Variants in VPS8 observed in about 807,000 individuals in gnomAD.
VPS8 encodes VPS8 subunit of CORVET complex, also known as vacuolar protein sorting-associated protein 8 homolog.
Under a neutral mutation model 216.4 loss-of-function variants are expected in VPS8, and 129 were observed. That is an observed-to-expected ratio of 0.60 (90% CI 0.52 to 0.69). VPS8 has a LOEUF of 0.69. VPS8 is among the 30% of genes least tolerant of loss of function. The pLI, the probability that VPS8 is intolerant of heterozygous loss-of-function variation, is 0.00. For synonymous variants in VPS8, 571 were observed against 565.4 expected, an observed-to-expected ratio of 1.01 and a Z score of -0.14; for missense variants, 1,531 against 1,683.5, an observed-to-expected ratio of 0.91 and a Z score of 1.59.
chr3:184,868,988 T>A lies in VPS8; in HGVS notation c.1549T>A (p.Leu517Met), dbSNP rs1351503988. The change falls in exon 19 of 48, where the codon TTG becomes ATG. Residue 517 changes from leucine to methionine, a missense_variant. By Grantham distance (15) the Leu-to-Met change is conservative (BLOSUM62 2). Coordinates refer to ENST00000625842, the MANE Select transcript of VPS8 (RefSeq NM_001009921.3). ...LLKQDCLTEALALAWSFHEGK... is the reference protein window; with the variant it reads ...LLKQDCLTEAMALAWSFHEGK... ...GAAACAAGATTGTCTTACAGAAGCG[T>A]TGGCTCTTGCGTGGTCTTTCCATGA... The A allele has an allele frequency of 2.5e-6, 4 of 1,610,894 alleles. No individual in the cohort carries two copies. The highest frequency in any genetic ancestry group is 3.4e-6 in the Non-Finnish European group (4 of 1,178,700).
chr3:184,991,963 C>A (rs1259641989), intron 42 of VPS8, among the ~76,000 whole-genome samples: 1 of 152,110 alleles, frequency 6.6e-6, no homozygotes, highest in African/African-American at 2.4e-5. Context: ...TGTTCAAGCC[C>A]AAACTTGTTA....
Position 184,825,942 on chromosome 3 carries a change from G to A in VPS8, c.154-221G>A, listed in dbSNP as rs538797159. Among the ~76,000 whole-genome samples, 6 of 152,078 alleles carry A rather than the reference G, an allele frequency of 3.9e-5. No homozygotes were observed. In the South Asian group the frequency reaches 1.2e-3, roughly 32 times the overall value. Reference sequence around the variant, plus strand: ...TGTTCTGGAAAGGGCTGTCAGGATAGTGCAGTTAGTGCATATATGTCCTTG... The same window carrying A: ...TGTTCTGGAAAGGGCTGTCAGGATAATGCAGTTAGTGCATATATGTCCTTG... On this transcript the variant is annotated intron_variant, in intron 2 of 47. Coordinates refer to ENST00000625842, the MANE Select transcript of VPS8 (RefSeq NM_001009921.3).
At chr3:184,985,788 G>C (rs945895338) in intron 42 of VPS8, among the ~76,000 whole-genome samples, 4 of 152,250 alleles carry the variant, frequency 2.6e-5, no homozygotes, top group African/African-American at 9.6e-5. Flanking sequence ...GGAACGGACA[G>C]TTCCTGTTTT....
At chr3:185,039,392 C>T (rs181712930) in intron 46 of VPS8, among the ~76,000 whole-genome samples, 25 of 152,106 alleles carry the variant, frequency 1.6e-4, no homozygotes, top group African/African-American at 5.1e-4. Flanking sequence ...CATCTGCTTT[C>T]GGTGGGAGCC....
intron 46 of VPS8, among the ~76,000 whole-genome samples, chr3:185,036,456 C>T (rs1210963722): frequency 3.3e-5 from 5 of 152,106 alleles, no homozygotes; most frequent in Admixed American, 6.5e-5. Context: ...AATAAAGCCT[C>T]AAACCTACAA....
intron 25 of VPS8, among the ~76,000 whole-genome samples, chr3:184,911,152 G>C (rs961610501): frequency 3.9e-5 from 6 of 152,134 alleles, no homozygotes; most frequent in African/African-American, 1.4e-4. Flanking sequence ...GAAGAGAAAG[G>C]TTGTAGAAAA....
At position 184,927,348 on chromosome 3, in the gene VPS8, C is replaced by T. The variant is rs57091534; in HGVS notation, c.2631+698C>T. 4.7e-3 allele frequency among the ~76,000 whole-genome samples: 716 copies of T among 152,196 alleles called. 7 individuals carry two copies. Among genetic ancestry groups the T allele is most frequent in the African/African-American group, 0.016 (673 of 41,520 alleles). Reference sequence around the variant, plus strand: ...GCTTTATGGCACTGTGGTAATCATACGCAGCTGGGAAGTTGAGACTATCGG... The same window carrying T: ...GCTTTATGGCACTGTGGTAATCATATGCAGCTGGGAAGTTGAGACTATCGG... On this transcript the variant is annotated intron_variant, in intron 31 of 47. Transcript: ENST00000625842.
chr3:185,037,876 T>A (rs1759125177), intron 46 of VPS8, among the ~76,000 whole-genome samples: 1 of 152,190 alleles, frequency 6.6e-6, no homozygotes, highest in Non-Finnish European at 1.5e-5. Flanking sequence ...TTCCTTTACT[T>A]TGTAAACCAT....
intron 45 of VPS8, 99 bp from the exon 46 acceptor site, chr3:185,024,237 C>A (rs753850346): frequency 2.8e-5 from 31 of 1,089,458 alleles, no homozygotes; most frequent in Non-Finnish European, 3.7e-5. Context: ...TCTGTTTTAT[C>A]TTAGTTATAC....
intron 36 of VPS8, among the ~76,000 whole-genome samples, chr3:184,952,713 CA>C (rs1218241350): frequency 1.4e-4 from 21 of 152,320 alleles, no homozygotes; most frequent in African/African-American, 5.1e-4. Context: ...AGCATTAGCA[CA>C]ATCCAAATGG....
chr3:185,030,174 G>A (rs1477354350), intron 46 of VPS8, among the ~76,000 whole-genome samples: 1 of 152,152 alleles, frequency 6.6e-6, no homozygotes, highest in African/African-American at 2.4e-5. Context: ...TGTTGACAAC[G>A]TTTAAGGTAC....
intron 33 of VPS8, 39 bp from the exon 34 acceptor site, chr3:184,930,431 T>G (rs201007403): frequency 6.8e-7 from 1 of 1,471,190 alleles, no homozygotes; most frequent in Non-Finnish European, 9.5e-7. Context: ...AAATCTTGAG[T>G]GAGTGAATGA....
chr3:184,985,854 A>G (rs1577067362), intron 42 of VPS8, among the ~76,000 whole-genome samples: 2 of 152,310 alleles, frequency 1.3e-5, no homozygotes, highest in South Asian at 4.1e-4. Flanking sequence ...GAAGGAGACG[A>G]ATGTAGTAGA....
chr3:184,855,001 A>G (rs1220593511), intron 13 of VPS8, among the ~76,000 whole-genome samples: 3 of 151,940 alleles, frequency 2.0e-5, no homozygotes, highest in Non-Finnish European at 4.4e-5. Flanking sequence ...TCTTGTTGGT[A>G]CCCTGTGTGT....
chr3:185,007,040 G>A (rs1171560309), intron 45 of VPS8, among the ~76,000 whole-genome samples: 6 of 152,112 alleles, frequency 3.9e-5, no homozygotes, highest in East Asian at 1.9e-4. Flanking sequence ...TAATTCAGAC[G>A]TAATAGTTGC....
intron 8 of VPS8, among the ~76,000 whole-genome samples, chr3:184,846,729 T>TA (rs1386004623): frequency 6.6e-6 from 1 of 152,246 alleles, no homozygotes; most frequent in Non-Finnish European, 1.5e-5. Context: ...TTTGTCCTCT[T>TA]ACTTTCAGTC....
intron 36 of VPS8, chr3:184,944,445 C>A: frequency 1.0e-6 from 1 of 956,092 alleles, no homozygotes; most frequent in Non-Finnish European, 1.2e-6. Flanking sequence ...TGCATTGCTG[C>A]TGGCCATGAA....
At chr3:184,948,234 T>TC (rs1744041010) in intron 36 of VPS8, among the ~76,000 whole-genome samples, 1 of 151,806 alleles carries the variant, frequency 6.6e-6, no homozygotes, top group African/African-American at 2.4e-5. Flanking sequence ...TTTTTTTTTT[T>TC]TAAATCTGCT....
intron 22 of VPS8, among the ~76,000 whole-genome samples, chr3:184,893,879 G>A (rs1732835511): frequency 6.6e-6 from 1 of 152,140 alleles, no homozygotes; most frequent in South Asian, 2.1e-4. Context: ...TATTGTGTTA[G>A]ACAAAATGGT....
Sources: gnomAD v4.1 joint callset for allele counts (sites outside exome capture counted in the v4.1 genomes callset) on GRCh38, gnomAD v4.1.1 for gene constraint, MANE v1.5 for transcripts, NCBI Gene and HGNC (gene_info 2026-07-23, HGNC 2026-07-21) for gene names.